SLC12A1: variants seen among roughly 807,000 people sequenced by gnomAD.
The protein encoded by SLC12A1 is solute carrier family 12 member 1.
In SLC12A1, 89 loss-of-function variants were observed where a neutral mutation model predicts 130.4. That is an observed-to-expected ratio of 0.68 (90% CI 0.58 to 0.81). The LOEUF is 0.81. Ranked by LOEUF, SLC12A1 falls within the 40% of genes least tolerant of loss-of-function variation. The pLI is 0.00. For missense variants in SLC12A1, 1,310 were observed against 1,336.4 expected, an observed-to-expected ratio of 0.98 and a Z score of 0.31; for synonymous variants, 499 against 460.0, an observed-to-expected ratio of 1.08 and a Z score of -1.09.
chr15:48,229,250 G>C lies in SLC12A1; in HGVS notation c.786G>C (p.Leu262=). ...CCGAGTTCGGTGGGTCAATAGGCCT[G>C]ATCTTTGCTTTTGCTAATGCAGTGG... is the stretch of plus-strand genomic sequence containing the variant. ...LGPEFGGSIG[L]IFAFANAVAV... is the part of the protein sequence containing the mutation. The change falls in exon 6 of 27, where the codon CTG becomes CTC. Residue 262 remains leucine (L), a synonymous_variant. Coordinates refer to ENST00000380993, the MANE Select transcript of SLC12A1 (RefSeq NM_000338.3). The C allele has an allele frequency of 6.3e-7, 1 of 1,599,690 alleles. No individual in the cohort carries two copies. The highest frequency in any genetic ancestry group is 8.5e-7 in the Non-Finnish European group (1 of 1,172,538).
intron 15 of SLC12A1, among the ~76,000 whole-genome samples, chr15:48,252,391 A>G (rs994581059): frequency 1.3e-5 from 2 of 152,150 alleles, no homozygotes; most frequent in Non-Finnish European, 2.9e-5. Flanking sequence ...TATAACCAGA[A>G]TGTGTATGAT....
intron 24 of SLC12A1, among the ~76,000 whole-genome samples, chr15:48,294,577 T>C (rs2042155436): frequency 2.0e-5 from 3 of 152,238 alleles, no homozygotes; most frequent in Admixed American, 6.5e-5. Flanking sequence ...TGGGTTGTCA[T>C]ACAATAATCT....
At chr15:48,226,701 G>T (rs1371837261) in intron 5 of SLC12A1, 130 bp downstream of exon 5, 2 of 676,504 alleles carry the variant, frequency 3.0e-6, no homozygotes, top group East Asian at 5.4e-5. Flanking sequence ...GGAGGAGCTG[G>T]ATGCCAAAGA....
intron 16 of SLC12A1, among the ~76,000 whole-genome samples, chr15:48,258,137 G>A (rs992254643): frequency 5.7e-5 from 4 of 70,724 alleles, no homozygotes; most frequent in Non-Finnish European, 9.0e-5. Context: ...CGAGGCGGGC[G>A]GATCACGAGG....
At chr15:48,281,238 T>C (rs1389080976) in intron 20 of SLC12A1, among the ~76,000 whole-genome samples, 2 of 152,228 alleles carry the variant, frequency 1.3e-5, no homozygotes, top group Non-Finnish European at 2.9e-5. Context: ...TTTGTTGTTT[T>C]GGATTAAAGA....
At chr15:48,299,436 T>C (rs2042209756) in intron 25 of SLC12A1, among the ~76,000 whole-genome samples, 161 bp downstream of exon 25, 2 of 152,248 alleles carry the variant, frequency 1.3e-5, no homozygotes, top group African/African-American at 4.8e-5. Flanking sequence ...ATTTACTGGA[T>C]ACGATTATTT....
intron 23 of SLC12A1, among the ~76,000 whole-genome samples, chr15:48,289,204 C>A (rs1362136654): frequency 2.0e-5 from 3 of 151,376 alleles, no homozygotes; most frequent in Non-Finnish European, 4.4e-5. Context: ...CATGACACAT[C>A]TAGAGGTCTC....
chr15:48,299,315 A>G, intron 25 of SLC12A1, 40 bp downstream of exon 25: 1 of 1,505,328 alleles, frequency 6.6e-7, no homozygotes, highest in Non-Finnish European at 8.9e-7. Context: ...CTGTCTAACT[A>G]GCTGAGAAAG....
At chr15:48,232,893 A>T in intron 8 of SLC12A1, 55 bp downstream of exon 8, 6 of 1,053,456 alleles carry the variant, frequency 5.7e-6, no homozygotes, top group Non-Finnish European at 8.8e-6. Flanking sequence ...TGCCCTCCTC[A>T]TCACCATCCC....
intron 18 of SLC12A1, 30 bp from the exon 19 acceptor site, chr15:48,269,628 A>G: frequency 8.1e-7 from 1 of 1,238,766 alleles, no homozygotes; most frequent in Non-Finnish European, 1.2e-6. Context: ...TACGGTAAGG[A>G]TTGCCCACAT....
At chr15:48,216,160 T>C (rs2041118859) in intron 2 of SLC12A1, among the ~76,000 whole-genome samples, 1 of 152,206 alleles carries the variant, frequency 6.6e-6, no homozygotes, top group South Asian at 2.1e-4. Flanking sequence ...CTACATTGAC[T>C]ACACCTTTGA....
intron 16 of SLC12A1, among the ~76,000 whole-genome samples, chr15:48,257,887 C>T (rs1283500238): frequency 6.6e-6 from 1 of 152,210 alleles, no homozygotes; most frequent in Non-Finnish European, 1.5e-5. Context: ...AATTTCTCCC[C>T]AGAACATGGT....
chr15:48,255,932 T>A (rs1033420694), intron 16 of SLC12A1, 22 bp downstream of exon 16: 1 of 1,479,152 alleles, frequency 6.8e-7, no homozygotes, highest in Non-Finnish European at 9.3e-7. Flanking sequence ...GTCTCAGGCA[T>A]CCTGGTGTTT....
rs150061723 is a variant in SLC12A1 at position 48,260,241 on chromosome 15, G to A, written c.2154+930G>A. 4.9e-3 allele frequency among the ~76,000 whole-genome samples: 734 copies of A among 150,836 alleles called. 8 individuals are homozygous for A. The highest frequency in any genetic ancestry group is 0.045 in the Middle Eastern group (13 of 292). ...GATCACACCACTGCATTCCAGCCTG[G>A]GCTACAGAGCAAGACTCCATAATAA... On this transcript the variant is annotated intron_variant, in intron 17 of 26. Transcript: ENST00000380993.
chr15:48,299,904 T>C (rs1455868567), intron 25 of SLC12A1, among the ~76,000 whole-genome samples: 1 of 152,158 alleles, frequency 6.6e-6, no homozygotes, highest in Non-Finnish European at 1.5e-5. Flanking sequence ...AATTGACACC[T>C]GGATTGGACG....
chr15:48,237,201 G>A (rs564265487), intron 9 of SLC12A1: 136 of 587,084 alleles, frequency 2.3e-4, no homozygotes, highest in Middle Eastern at 1.1e-3. Context: ...GGAGTTTGCC[G>A]ACAGGACAAA....
chr15:48,277,320 T>A (rs1049102053), intron 20 of SLC12A1, among the ~76,000 whole-genome samples: 3 of 151,834 alleles, frequency 2.0e-5, no homozygotes, highest in African/African-American at 7.3e-5. Context: ...AATTAAAAAA[T>A]TTTTAAAAAT....
At chr15:48,299,479 A>T (rs1175471078) in intron 25 of SLC12A1, among the ~76,000 whole-genome samples, 1 of 152,208 alleles carries the variant, frequency 6.6e-6, no homozygotes, top group Non-Finnish European at 1.5e-5. Context: ...CATAAGGTCA[A>T]TTATATTTTA....
intron 23 of SLC12A1, among the ~76,000 whole-genome samples, chr15:48,289,019 C>T (rs1349613368): frequency 1.3e-5 from 2 of 151,964 alleles, no homozygotes; most frequent in African/African-American, 4.8e-5. Flanking sequence ...GCAACAGTCT[C>T]CAAACGCATC....
Sources: gnomAD v4.1 joint callset for allele counts (sites outside exome capture counted in the v4.1 genomes callset) on GRCh38, gnomAD v4.1.1 for gene constraint, MANE v1.5 for transcripts, NCBI Gene and HGNC (gene_info 2026-07-23, HGNC 2026-07-21) for gene names.